The following FAM234B variants were observed in gnomAD, a reference collection of about 807,000 sequenced individuals.
FAM234B encodes the protein protein FAM234B.
Under a neutral mutation model 69.3 loss-of-function variants are expected in FAM234B, and 33 were observed. That is an observed-to-expected ratio of 0.48 (90% CI 0.36 to 0.64). The LOEUF is 0.64. Among genes scored for constraint, FAM234B ranks in the 30% least tolerant of loss-of-function variants. The pLI is 0.00. For synonymous variants in FAM234B, 306 were observed against 306.9 expected, an observed-to-expected ratio of 1.00 and a Z score of 0.03; for missense variants, 697 against 769.7, an observed-to-expected ratio of 0.91 and a Z score of 1.12.
chr12:13,053,495 A>G (rs1864896505), intron 1 of FAM234B, among the ~76,000 whole-genome samples: 1 of 152,178 alleles, frequency 6.6e-6, no homozygotes, highest in Non-Finnish European at 1.5e-5. Flanking sequence ...TGGGGGTAAC[A>G]TCACATATCG....
At position 13,083,299 on chromosome 12, in the gene FAM234B, C is replaced by T. The variant is rs1865263277; in HGVS notation, c.*2669C>T. On this transcript the variant is annotated 3_prime_UTR_variant, in exon 13 of 13. Coordinates refer to ENST00000197268, the MANE Select transcript of FAM234B (RefSeq NM_020853.2). ...TTCCTTAGACCCCGTTTTTGCCATC[C>T]CCCAAATGTGTGGTATGGTGAAACT... 6.6e-6 allele frequency: 1 copy of T among 152,496 alleles called. No homozygotes were observed. 9.4% of individuals were successfully genotyped at this position (152,496 alleles called of 1,614,324 possible).
chr12:13,077,824 C>G (rs972681593), intron 11 of FAM234B, among the ~76,000 whole-genome samples: 1 of 152,114 alleles, frequency 6.6e-6, no homozygotes, highest in African/African-American at 2.4e-5. Context: ...ATTTCTAGTT[C>G]TAGATCCCTG....
chr12:13,046,470 G>A (rs1172348389), intron 1 of FAM234B, among the ~76,000 whole-genome samples: 3 of 151,564 alleles, frequency 2.0e-5, no homozygotes, highest in Non-Finnish European at 2.9e-5. Context: ...TTGTTTGTTT[G>A]TTTTTTTGAG....
chr12:13,071,139 T>G, intron 9 of FAM234B, 102 bp from the exon 10 acceptor site: 1 of 1,247,958 alleles, frequency 8.0e-7, no homozygotes, highest in Non-Finnish European at 1.2e-6. Context: ...CGTGTTGATA[T>G]TTGTGTTATT....
chr12:13,078,206 C>G (rs1865183402), intron 11 of FAM234B, among the ~76,000 whole-genome samples: 1 of 151,644 alleles, frequency 6.6e-6, no homozygotes, highest in African/African-American at 2.4e-5. Context: ...AAATTTTCTC[C>G]CATTTTGTAG....
chr12:13,066,877 C>T, intron 6 of FAM234B, 90 bp downstream of exon 6: 1 of 1,418,736 alleles, frequency 7.0e-7, no homozygotes, highest in Non-Finnish European at 9.7e-7. Flanking sequence ...CTCAGGAACT[C>T]CTGACACCAG....
chr12:13,050,286 C>A (rs1417496506), intron 1 of FAM234B, among the ~76,000 whole-genome samples: 1 of 152,148 alleles, frequency 6.6e-6, no homozygotes, highest in African/African-American at 2.4e-5. Flanking sequence ...TGTTTACTCT[C>A]CTGTCATTGC....
intron 11 of FAM234B, among the ~76,000 whole-genome samples, chr12:13,076,348 A>T (rs946632009): frequency 2.6e-5 from 4 of 152,194 alleles, no homozygotes. Context: ...GAGAACCCAT[A>T]TGCTCTGAAT....
In FAM234B at chr12:13,055,815, A is replaced by C; in HGVS notation, c.302A>C (p.Tyr101Ser). ...EQKAASSLVS[Y>S]VRTSVFLLTL... Reference sequence around the variant, plus strand: ...AAGGCGGCCTCCTCCCTGGTGTCATATGTGCGCACGTCTGTCTTCCTGCTG... The same window carrying C: ...AAGGCGGCCTCCTCCCTGGTGTCATCTGTGCGCACGTCTGTCTTCCTGCTG... Residue 101 changes from tyrosine to serine, a missense_variant, in exon 2 of 13, where the codon TAT becomes TCT. Around this residue, in one of 3 missense-constraint regions of FAM234B, gnomAD observed 380 missense variants for 447.1 expected, o/e 0.85. Coordinates refer to ENST00000197268, the MANE Select transcript of FAM234B (RefSeq NM_020853.2). The C allele has an allele frequency of 6.2e-7, 1 of 1,614,058 alleles. No individual in the cohort carries two copies. Among genetic ancestry groups the C allele is most frequent in the Non-Finnish European group, 8.5e-7 (1 of 1,179,998 alleles).
At position 13,066,697 on chromosome 12, in the gene FAM234B, G is replaced by T; in HGVS notation, c.910G>T (p.Val304Leu). The T allele has an allele frequency of 6.2e-7, 1 of 1,614,078 alleles. No individual in the cohort carries two copies. The highest frequency in any genetic ancestry group is 8.5e-7 in the Non-Finnish European group (1 of 1,179,976). The change falls in exon 6 of 13, where the codon GTG becomes TTG. Residue 304 changes from valine to leucine, a missense_variant. By Grantham distance (32) the Val-to-Leu change is conservative (BLOSUM62 1). Coordinates refer to ENST00000197268, the MANE Select transcript of FAM234B (RefSeq NM_020853.2). The part of the protein sequence containing the change: ...GRTGNPVGRP[V>L]KYNIVGVGNL... ...GACCGGAAATCCAGTGGGTCGACCT[G>T]TGAAGTACAACATCGTTGGAGTTGG...
chr12:13,080,801 G>A lies in FAM234B; in HGVS notation c.*171G>A, dbSNP rs1242946764. On this transcript the variant is annotated 3_prime_UTR_variant, in exon 13 of 13. Transcript: ENST00000197268. ...ATGTTGGAGTCTTTGACGGCAGCAT[G>A]ATCTATTTGGCTGGGGCATCTTACC... The A allele has an allele frequency of 1.8e-6, 1 of 544,730 alleles. No individual in the cohort carries two copies. Among genetic ancestry groups the A allele is most frequent in the East Asian group, 3.1e-5 (1 of 32,098 alleles). 33.7% of individuals were successfully genotyped at this position (544,730 alleles called of 1,614,324 possible).
intron 11 of FAM234B, among the ~76,000 whole-genome samples, chr12:13,077,335 A>G (rs1000617765): frequency 2.0e-5 from 3 of 151,678 alleles, no homozygotes; most frequent in African/African-American, 4.8e-5. Context: ...TTAGTTACAT[A>G]TGTATACATG....
intron 1 of FAM234B, among the ~76,000 whole-genome samples, chr12:13,051,647 G>T (rs1427894329): frequency 6.6e-6 from 1 of 152,200 alleles, no homozygotes; most frequent in Non-Finnish European, 1.5e-5. Context: ...ATTGTATCTA[G>T]TTCCAAGAAC....
intron 11 of FAM234B, among the ~76,000 whole-genome samples, chr12:13,079,379 A>G (rs575928275): frequency 6.6e-6 from 1 of 152,236 alleles, no homozygotes; most frequent in African/African-American, 2.4e-5. Flanking sequence ...CACCTTATAC[A>G]ACTTGTATTT....
chr12:13,071,254 A>G lies in FAM234B; in HGVS notation c.1382A>G (p.Asp461Gly). 2 of 1,614,102 alleles carry G rather than the reference A, an allele frequency of 1.2e-6. No individual in the cohort carries two copies. Among genetic ancestry groups the G allele is most frequent in the Non-Finnish European group, 1.7e-6 (2 of 1,179,994 alleles). Residue 461 changes from aspartate (D) to glycine (G), a missense_variant, in exon 10 of 13, where the codon GAT becomes GGT. By Grantham distance (94) the Asp-to-Gly change is moderately conservative (BLOSUM62 -1). Coordinates refer to ENST00000197268, the MANE Select transcript of FAM234B (RefSeq NM_020853.2). ...GVGMKKMMVV[D>G]GDSGSIVWSY... ...TCTCTTTTGTAGATGATGGTTGTGG[A>G]TGGTGACTCTGGCTCCATTGTTTGG...
intron 11 of FAM234B, 46 bp from the exon 12 acceptor site, chr12:13,079,743 A>C: frequency 8.4e-7 from 1 of 1,195,536 alleles, no homozygotes; most frequent in Non-Finnish European, 1.2e-6. Flanking sequence ...CTGTTAGTGG[A>C]CGGTATGTGT....
chr12:13,069,572 C>T (rs11055225), intron 9 of FAM234B, among the ~76,000 whole-genome samples: 17,651 of 152,030 alleles, frequency 0.12, 2,166 homozygotes, highest in East Asian at 0.33. Context: ...AGGGGTCCAC[C>T]GGGAACACAG....
intron 11 of FAM234B, among the ~76,000 whole-genome samples, chr12:13,079,261 A>G (rs1010774258): frequency 6.6e-6 from 1 of 152,216 alleles, no homozygotes; most frequent in Non-Finnish European, 1.5e-5. Flanking sequence ...CTGATCTTTG[A>G]CAAACCTGAG....
chr12:13,070,278 A>G (rs1364322981), intron 9 of FAM234B, among the ~76,000 whole-genome samples: 5 of 151,122 alleles, frequency 3.3e-5, no homozygotes, highest in South Asian at 2.1e-4. Context: ...TCTTTTCCCC[A>G]AGATTGCCAA....
Sources: allele counts gnomAD v4.1 joint callset (sites outside exome capture counted in the v4.1 genomes callset), GRCh38; gene constraint gnomAD v4.1.1; regional missense constraint gnomAD v4.1.1; transcripts MANE v1.5; gene names NCBI Gene and HGNC (gene_info 2026-07-23, HGNC 2026-07-21).